The following SDK1 variants were observed in gnomAD, a reference collection of about 807,000 sequenced individuals.
SDK1 encodes the protein protein sidekick-1.
SDK1 carries 157 observed loss-of-function variants against 245.5 expected under a neutral mutation model. The observed-to-expected ratio is 0.64, with a 90% confidence interval of 0.56 to 0.73. The LOEUF is 0.73. Ranked by LOEUF, SDK1 falls within the 30% of genes least tolerant of loss-of-function variation. The pLI, the probability that SDK1 is intolerant of heterozygous loss-of-function variation, is 0.00. For synonymous variants in SDK1, 1,647 were observed against 1,278.5 expected (o/e 1.29, Z -6.15); for missense variants, 3,583 against 3,002.3 (o/e 1.19, Z -4.52).
chr7:3,301,759 C>T lies in SDK1; in HGVS notation c.173C>T (p.Ser58Phe). The T allele has an allele frequency of 4.1e-6, 4 of 985,482 alleles. No homozygotes were observed. The highest frequency in any genetic ancestry group is 4.8e-6 in the Non-Finnish European group (4 of 831,568). The allele number at this position is 985,482 out of a possible 1,614,324, so 61.0% of individuals were successfully genotyped here. Residue 58 changes from serine (S) to phenylalanine (F), a missense_variant, in exon 1 of 45, where the codon TCC (serine) becomes TTC (phenylalanine). Ser to Phe is a radical substitution (Grantham distance 155, BLOSUM62 -2). Coordinates refer to ENST00000404826, the MANE Select transcript of SDK1 (RefSeq NM_152744.4). ...CGACCCCGGGCGGCGCCCGAGACCT[C>T]CGGCGGGGACACGGCGGGCGCGGGG... ...PSRPRAAPET[S>F]GGDTAGAGRC...
intron 32 of SDK1, among the ~76,000 whole-genome samples, chr7:4,167,208 G>A (rs1362502709): frequency 6.6e-6 from 1 of 152,246 alleles, no homozygotes; most frequent in Admixed American, 6.5e-5. Flanking sequence ...TGGCCAACAT[G>A]GTGAAACCCC....
chr7:4,239,792 G>T (rs1289851360), intron 42 of SDK1, among the ~76,000 whole-genome samples: 1 of 152,164 alleles, frequency 6.6e-6, no homozygotes, highest in African/African-American at 2.4e-5. Flanking sequence ...CTCATTTGTT[G>T]GAGGTTTTCC....
intron 1 of SDK1, among the ~76,000 whole-genome samples, chr7:3,348,470 C>T (rs1780565662): frequency 7.1e-6 from 1 of 141,750 alleles, no homozygotes; most frequent in Non-Finnish European, 1.6e-5. Flanking sequence ...CCGAAAACAA[C>T]ATGTTCTCGT....
intron 5 of SDK1, among the ~76,000 whole-genome samples, chr7:3,832,497 A>C (rs918185717): frequency 1.3e-5 from 2 of 152,220 alleles, no homozygotes; most frequent in African/African-American, 4.8e-5. Context: ...AGTTCTTTAC[A>C]ATGTGTTTGA....
chr7:4,250,150 ATGT>A (rs1004497734), intron 44 of SDK1, among the ~76,000 whole-genome samples: 1 of 152,020 alleles, frequency 6.6e-6, no homozygotes, highest in Non-Finnish European at 1.5e-5. Flanking sequence ...GTACAGTATG[ATGT>A]CTTTTGTGAC....
intron 5 of SDK1, among the ~76,000 whole-genome samples, chr7:3,849,561 C>A (rs1410730250): frequency 1.3e-5 from 2 of 152,156 alleles, no homozygotes; most frequent in Non-Finnish European, 2.9e-5. Flanking sequence ...TAATTTTTGA[C>A]TTCAGAGAAT....
intron 34 of SDK1, among the ~76,000 whole-genome samples, chr7:4,176,106 ACTTC>A (rs1584373347): frequency 6.6e-6 from 1 of 150,758 alleles, no homozygotes. Context: ...GATCTCTCCA[ACTTC>A]CTTCTTCCTT....
Position 3,916,976 on chromosome 7 carries a change from C to G in SDK1, c.848-33947C>G, listed in dbSNP as rs567082806. ...ATCATGGCAAGTGCCTGACATTTCA[C>G]CATTTTGATGACTATTCTAGGCCCA... On this transcript the variant is annotated intron_variant, in intron 5 of 44. Transcript: ENST00000404826. Among the ~76,000 whole-genome samples the G allele has an allele frequency of 3.3e-5, 5 of 152,286 alleles. No individual in the cohort carries two copies. The South Asian group carries it at 1.0e-3, about 32-fold the overall frequency.
At chr7:3,444,022 A>T (rs1484097083) in intron 1 of SDK1, among the ~76,000 whole-genome samples, 1 of 152,250 alleles carries the variant, frequency 6.6e-6, no homozygotes, top group Non-Finnish European at 1.5e-5. Context: ...AGGATTCAAG[A>T]GAGGCGGTTG....
intron 4 of SDK1, among the ~76,000 whole-genome samples, chr7:3,764,338 CAAAT>C (rs1403313107): frequency 1.3e-5 from 2 of 152,220 alleles, no homozygotes; most frequent in South Asian, 4.1e-4. Flanking sequence ...TTTTTTACAA[CAAAT>C]ATTTAATCAT....
chr7:3,691,151 G>A (rs1434044889), intron 4 of SDK1, among the ~76,000 whole-genome samples: 1 of 151,266 alleles, frequency 6.6e-6, no homozygotes, highest in Non-Finnish European at 1.5e-5. Flanking sequence ...TCATTCCTTA[G>A]AATCACCTTT....
chr7:3,942,903 T>A (rs1780420691), intron 5 of SDK1, among the ~76,000 whole-genome samples: 1 of 152,198 alleles, frequency 6.6e-6, no homozygotes, highest in African/African-American at 2.4e-5. Context: ...CTGAGTCTCA[T>A]GGCTCAGGGA....
intron 14 of SDK1, among the ~76,000 whole-genome samples, chr7:3,993,540 TA>T (rs1784499861): frequency 2.0e-5 from 3 of 152,228 alleles, no homozygotes; most frequent in Non-Finnish European, 4.4e-5. Context: ...AATTAAAATG[TA>T]AAATACATTT....
At position 3,619,063 on chromosome 7, in the gene SDK1, G is replaced by GT. The variant is rs1460416543; in HGVS notation, c.299-11dup. Reference sequence around the variant, plus strand: ...GCGTACTTCAGTTTTGTTTTGTTTTGTTTTTTAATATTTCAGATGATGTTG... The same window carrying GT: ...GCGTACTTCAGTTTTGTTTTGTTTTGTTTTTTTAATATTTCAGATGATGTTG... On this transcript the variant is annotated splice_polypyrimidine_tract_variant and intron_variant, in intron 1 of 44. Coordinates refer to ENST00000404826, the MANE Select transcript of SDK1 (RefSeq NM_152744.4). 1.3e-6 allele frequency: 2 copies of GT among 1,540,910 alleles called. No homozygotes were observed. The highest frequency in any genetic ancestry group is 1.8e-6 in the Non-Finnish European group (2 of 1,134,258).
intron 5 of SDK1, among the ~76,000 whole-genome samples, chr7:3,884,201 C>G (rs1418606712): frequency 6.6e-6 from 1 of 151,976 alleles, no homozygotes. Flanking sequence ...CCACCTCAGC[C>G]TCCGAAAGCA....
intron 19 of SDK1, among the ~76,000 whole-genome samples, chr7:4,065,892 A>G (rs1779867970): frequency 6.6e-6 from 1 of 151,994 alleles, no homozygotes; most frequent in Non-Finnish European, 1.5e-5. Context: ...ACTTCTCTGT[A>G]GGAATCCTGG....
At chr7:3,929,557 T>C (rs1779901140) in intron 5 of SDK1, among the ~76,000 whole-genome samples, 1 of 152,252 alleles carries the variant, frequency 6.6e-6, no homozygotes, top group African/African-American at 2.4e-5. Flanking sequence ...CAGGATTTTC[T>C]TGGCATCCTT....
chr7:4,256,724 G>T (rs1787654458), intron 44 of SDK1, among the ~76,000 whole-genome samples: 1 of 152,144 alleles, frequency 6.6e-6, no homozygotes, highest in Non-Finnish European at 1.5e-5. Context: ...TGAAAGCCGT[G>T]GACAGAGGCA....
chr7:3,397,171 C>G (rs905338920), intron 1 of SDK1, among the ~76,000 whole-genome samples: 1 of 151,704 alleles, frequency 6.6e-6, no homozygotes, highest in Admixed American at 6.6e-5. Context: ...ATGTTATAAG[C>G]CTATCAACAA....
Sources: allele counts gnomAD v4.1 joint callset (sites outside exome capture counted in the v4.1 genomes callset), GRCh38; gene constraint gnomAD v4.1.1; transcripts MANE v1.5; gene names NCBI Gene and HGNC (gene_info 2026-07-23, HGNC 2026-07-21).